The following LONRF1 variants were observed in gnomAD, a reference collection of about 807,000 sequenced individuals.
The protein encoded by LONRF1 is LON peptidase N-terminal domain and RING finger protein 1.
In LONRF1, 37 loss-of-function variants were observed where a neutral mutation model predicts 85.8. That is an observed-to-expected ratio of 0.43 (90% CI 0.33 to 0.57). LONRF1 has a LOEUF of 0.57. Among genes scored for constraint, LONRF1 ranks in the 20% least tolerant of loss-of-function variants. The pLI is 0.04. For synonymous variants in LONRF1, 517 were observed against 390.1 expected, an observed-to-expected ratio of 1.33 and a Z score of -3.83; for missense variants, 1,036 against 978.0, an observed-to-expected ratio of 1.06 and a Z score of -0.79.
At chr8:12,730,909 G>A (rs893519154) in intron 8 of LONRF1, among the ~76,000 whole-genome samples, 6 of 151,988 alleles carry the variant, frequency 3.9e-5, no homozygotes. Flanking sequence ...AAAATCAATG[G>A]AAACAAAAAG....
intron 1 of LONRF1, 43 bp downstream of exon 1, chr8:12,754,657 A>T: frequency 7.7e-7 from 1 of 1,293,692 alleles, no homozygotes; most frequent in Non-Finnish European, 9.7e-7. Flanking sequence ...CGGGGCCAGG[A>T]GGGTGCGGTC....
intron 1 of LONRF1, among the ~76,000 whole-genome samples, chr8:12,750,818 A>G (rs1015143714): frequency 1.3e-5 from 2 of 152,238 alleles, no homozygotes; most frequent in Non-Finnish European, 2.9e-5. Context: ...GTGATAGAAC[A>G]GAACAGGATG....
At position 12,745,734 on chromosome 8, in the gene LONRF1, A is replaced by G. The variant is rs116030193; in HGVS notation, c.722-2452T>C. 7.5e-3 allele frequency among the ~76,000 whole-genome samples: 1,137 copies of G among 152,304 alleles called. 13 individuals carry two copies. The highest frequency in any genetic ancestry group is 0.026 in the African/African-American group (1,090 of 41,566). ...TTTTTGAAATCGACAAAATTTCAAA[A>G]GTTGTCAAAATTTTGACAACATTGA... On this transcript the variant is annotated intron_variant, in intron 1 of 11. Coordinates refer to ENST00000398246, the MANE Select transcript of LONRF1 (RefSeq NM_152271.5).
chr8:12,731,732 T>C lies in LONRF1; in HGVS notation c.1688+4A>G. 1 of 1,608,900 alleles carries C rather than the reference T, an allele frequency of 6.2e-7. No individual in the cohort carries two copies. Among genetic ancestry groups the C allele is most frequent in the Non-Finnish European group, 8.5e-7 (1 of 1,178,006 alleles). On this transcript the variant is annotated splice_donor_region_variant and intron_variant, in intron 8 of 11. Coordinates refer to ENST00000398246, the MANE Select transcript of LONRF1 (RefSeq NM_152271.5). ...CATAATTTTTTTTATGAGAAGAAAC[T>C]TACTGTGAGAGTTCAGCAGTTTCTT...
chr8:12,751,552 G>A (rs1158550858), intron 1 of LONRF1, among the ~76,000 whole-genome samples: 5 of 151,818 alleles, frequency 3.3e-5, no homozygotes, highest in East Asian at 1.9e-4. Context: ...CGATCCGCCC[G>A]CCTCGGTCTC....
intron 1 of LONRF1, among the ~76,000 whole-genome samples, chr8:12,743,744 T>C (rs1799033200): frequency 1.3e-5 from 2 of 152,144 alleles, no homozygotes; most frequent in South Asian, 4.1e-4. Context: ...AAGGGACTGA[T>C]AAAGGCTCAA....
In LONRF1 at chr8:12,754,625, C is replaced by T. The variant is rs896584963; in HGVS notation, c.721+75G>A. ...GCAGAGGAGACTCTCGGGGCGCAGA[C>T]AAGCTCCGGGTCCCCGGCCCTCGGG... On this transcript the variant is annotated intron_variant, in intron 1 of 11. Transcript: ENST00000398246. 8.0e-6 allele frequency: 10 copies of T among 1,248,890 alleles called. No homozygotes were observed. The African/African-American group carries it at 1.4e-4, about 18-fold the overall frequency. 77.4% of individuals were successfully genotyped at this position (1,248,890 alleles called of 1,614,324 possible).
At chr8:12,742,693 A>G (rs1027990570) in intron 2 of LONRF1, among the ~76,000 whole-genome samples, 1 of 152,012 alleles carries the variant, frequency 6.6e-6, no homozygotes, top group African/African-American at 2.4e-5. Context: ...AAAGTCTCTT[A>G]TAATTTAAAA....
intron 1 of LONRF1, among the ~76,000 whole-genome samples, chr8:12,752,594 T>A (rs574029772): frequency 6.6e-6 from 1 of 152,214 alleles, no homozygotes; most frequent in Non-Finnish European, 1.5e-5. Context: ...AAAATCCTCA[T>A]GTGCAATCTA....
intron 1 of LONRF1, among the ~76,000 whole-genome samples, chr8:12,746,333 C>T (rs559107483): frequency 6.6e-6 from 1 of 152,094 alleles, no homozygotes; most frequent in Non-Finnish European, 1.5e-5. Flanking sequence ...CCTTCCCACT[C>T]ACTCAAAGTC....
At chr8:12,745,320 G>C (rs1486327852) in intron 1 of LONRF1, among the ~76,000 whole-genome samples, 5 of 38,802 alleles carry the variant, frequency 1.3e-4, no homozygotes, top group African/African-American at 4.2e-4. Flanking sequence ...TTATTTTTTT[G>C]GAAAAAAAAA....
Position 12,755,099 on chromosome 8 carries a change from C to T in LONRF1, c.322G>A (p.Ala108Thr), listed in dbSNP as rs1563165667. 6.8e-7 allele frequency: 1 copy of T among 1,470,678 alleles called. No homozygotes were observed. The highest frequency in any genetic ancestry group is 9.0e-7 in the Non-Finnish European group (1 of 1,116,372). 91.1% of individuals were successfully genotyped at this position (1,470,678 alleles called of 1,614,324 possible). The change falls in exon 1 of 12, where the codon GCC becomes ACC. Residue 108 changes from alanine to threonine, a missense_variant. Around this residue, in one of 3 missense-constraint regions of LONRF1, gnomAD observed 742 missense variants for 614.4 expected, o/e 1.21. Coordinates refer to ENST00000398246, the MANE Select transcript of LONRF1 (RefSeq NM_152271.5). ...RLRHGLGWSA[A>T]PVAGADGGAG... is the part of the protein sequence containing the mutation. ...CCGCCGTCAGCGCCTGCAACCGGGG[C>T]CGCGCTCCAGCCCAGCCCGTGGCGG... is the stretch of plus-strand genomic sequence containing the variant.
chr8:12,743,601 T>G (rs1350049239), intron 1 of LONRF1, among the ~76,000 whole-genome samples: 2 of 152,206 alleles, frequency 1.3e-5, no homozygotes, highest in Non-Finnish European at 2.9e-5. Flanking sequence ...TATAAAGATT[T>G]TAAAGACATA....
chr8:12,727,369 T>C (rs1223014069), intron 10 of LONRF1: 3 of 151,108 alleles, frequency 2.0e-5, no homozygotes, highest in African/African-American at 7.3e-5. Flanking sequence ...AAAATTTCAT[T>C]AGAAGTCACA....
Position 12,727,899 on chromosome 8 carries a change from A to G in LONRF1, c.2010+1002T>C, listed in dbSNP as rs572132661. ...TTATCAACAGAGAGCCAAATGGCAT[A>G]GTGATAAAGCTCAAAGTCTGAGTCA... On this transcript the variant is annotated intron_variant, in intron 10 of 11. Coordinates refer to ENST00000398246, the MANE Select transcript of LONRF1 (RefSeq NM_152271.5). Among the ~76,000 whole-genome samples the G allele has an allele frequency of 3.3e-5, 5 of 152,352 alleles. No individual in the cohort carries two copies. In the East Asian group the frequency reaches 9.6e-4, roughly 29 times the overall value.
chr8:12,749,034 C>G (rs561425713), intron 1 of LONRF1, among the ~76,000 whole-genome samples: 53 of 152,226 alleles, frequency 3.5e-4, no homozygotes, highest in African/African-American at 1.2e-3. Flanking sequence ...ATATGCTTAC[C>G]TCTAAAACAC....
chr8:12,726,449 T>C (rs1447507025), intron 10 of LONRF1, among the ~76,000 whole-genome samples: 1 of 152,210 alleles, frequency 6.6e-6, no homozygotes, highest in African/African-American at 2.4e-5. Context: ...AATTACACAA[T>C]GATGAGCTTC....
At position 12,738,404 on chromosome 8, in the gene LONRF1, G is replaced by C. The variant is rs186597411; in HGVS notation, c.964-260C>G. Among the ~76,000 whole-genome samples the C allele has an allele frequency of 1.1e-4, 16 of 152,186 alleles. No homozygotes were observed. In the East Asian group the frequency reaches 3.1e-3, roughly 29 times the overall value. On this transcript the variant is annotated intron_variant, in intron 3 of 11. Transcript: ENST00000398246. The stretch of plus-strand genomic sequence containing the variant: ...TGGGAGTAGTAAGACTCAGGATAAA[G>C]GCTGATCTTTCAACACAAAGACTAT...
intron 1 of LONRF1, among the ~76,000 whole-genome samples, chr8:12,745,855 G>C (rs959653689): frequency 6.6e-6 from 1 of 151,960 alleles, no homozygotes; most frequent in African/African-American, 2.4e-5. Context: ...AATATCTCTG[G>C]TCTTGTACCC....
Sources: allele counts gnomAD v4.1 joint callset (sites outside exome capture counted in the v4.1 genomes callset), GRCh38; gene constraint gnomAD v4.1.1; regional missense constraint gnomAD v4.1.1; transcripts MANE v1.5; gene names NCBI Gene and HGNC (gene_info 2026-07-23, HGNC 2026-07-21).